Variants in MYO1D observed in about 807,000 individuals in gnomAD.
MYO1D encodes the protein myosin ID, also known as unconventional myosin-Id.
A neutral mutation model predicts 122.0 loss-of-function variants in MYO1D; 83 were observed. That is an observed-to-expected ratio of 0.68 (90% confidence interval 0.57 to 0.82). MYO1D has a LOEUF of 0.82. Among genes scored for constraint, MYO1D ranks in the 40% least tolerant of loss-of-function variants. The probability of loss-of-function intolerance (pLI) is 0.00; values close to 1 mark genes in which losing one functional copy is unlikely to be tolerated. For synonymous variants in MYO1D, 464 were observed against 446.9 expected (o/e 1.04, Z -0.48); for missense variants, 1,157 against 1,269.5 (o/e 0.91, Z 1.35).
intron 21 of MYO1D, among the ~76,000 whole-genome samples, chr17:32,559,074 A>G (rs2150888879): frequency 6.6e-6 from 1 of 152,346 alleles, no homozygotes; most frequent in Non-Finnish European, 1.5e-5. Flanking sequence ...TAAGTATCTC[A>G]GAACGTGTGC....
chr17:32,773,860 T>C (rs1265210596), intron 4 of MYO1D, among the ~76,000 whole-genome samples: 2 of 152,174 alleles, frequency 1.3e-5, no homozygotes, highest in East Asian at 1.9e-4. Context: ...GGCATTCTTT[T>C]ACACATCGGT....
At chr17:32,798,167 A>G (rs931157033) in intron 1 of MYO1D, among the ~76,000 whole-genome samples, 2 of 152,200 alleles carry the variant, frequency 1.3e-5, no homozygotes, top group Non-Finnish European at 2.9e-5. Flanking sequence ...TTGTTTGACT[A>G]TTGTTTTTGT....
intron 16 of MYO1D, among the ~76,000 whole-genome samples, chr17:32,701,044 A>G (rs2089242577): frequency 6.6e-6 from 1 of 152,092 alleles, no homozygotes. Context: ...TAAAGCTGAT[A>G]AAGAAAAAAG....
intron 1 of MYO1D, among the ~76,000 whole-genome samples, chr17:32,806,945 A>G (rs1242410476): frequency 6.6e-6 from 1 of 152,230 alleles, no homozygotes. Context: ...CCTTAACTAA[A>G]TAACATAGGA....
At chr17:32,703,857 GC>G (rs1435127265) in intron 16 of MYO1D, among the ~76,000 whole-genome samples, 1 of 152,104 alleles carries the variant, frequency 6.6e-6, no homozygotes, top group Non-Finnish European at 1.5e-5. Context: ...CCCCAGCCAT[GC>G]AACAAATAAG....
intron 21 of MYO1D, among the ~76,000 whole-genome samples, chr17:32,521,487 T>TTG (rs1368065921): frequency 6.6e-6 from 1 of 152,212 alleles, no homozygotes; most frequent in African/African-American, 2.4e-5. Flanking sequence ...CTCATACAAA[T>TTG]TGCTCCTGTG....
intron 16 of MYO1D, among the ~76,000 whole-genome samples, chr17:32,690,598 G>A (rs115306737): frequency 2.3e-4 from 35 of 152,264 alleles, no homozygotes; most frequent in African/African-American, 8.2e-4. Context: ...ACTGGATCAC[G>A]GAGCAGATCC....
At chr17:32,713,441 C>T (rs780014866) in intron 15 of MYO1D, among the ~76,000 whole-genome samples, 95 of 152,286 alleles carry the variant, frequency 6.2e-4, no homozygotes, top group African/African-American at 1.3e-3. Flanking sequence ...GATACAAGTA[C>T]ATTTTAATGT....
intron 6 of MYO1D, among the ~76,000 whole-genome samples, chr17:32,769,128 T>A (rs1799847316): frequency 6.6e-6 from 1 of 152,212 alleles, no homozygotes; most frequent in Non-Finnish European, 1.5e-5. Context: ...GCCATTCTGA[T>A]CAATACAACA....
In MYO1D at chr17:32,578,572, TG is replaced by T. The variant is rs202045058; in HGVS notation, c.2864+26514del. On this transcript the variant is annotated intron_variant, in intron 21 of 21. Coordinates refer to ENST00000318217, the MANE Select transcript of MYO1D (RefSeq NM_015194.3). Reference sequence around the variant, plus strand: ...CTTTTGAGTTTGAAATAACAGAATTTGTAATAGAAAGAGATAATACTCTAAA... The same window carrying T: ...CTTTTGAGTTTGAAATAACAGAATTTTAATAGAAAGAGATAATACTCTAAA... Among the ~76,000 whole-genome samples, 299 of 152,378 alleles carry T rather than the reference TG, an allele frequency of 2.0e-3. 1 individual carries two copies. The highest frequency in any genetic ancestry group is 6.8e-3 in the African/African-American group (283 of 41,596).
chr17:32,598,499 A>G (rs2087525019), intron 21 of MYO1D, among the ~76,000 whole-genome samples: 1 of 152,212 alleles, frequency 6.6e-6, no homozygotes, highest in Admixed American at 6.5e-5. Flanking sequence ...TGCTGGTATC[A>G]GGTGTTTCTG....
chr17:32,709,727 T>C (rs1260099516), intron 16 of MYO1D, among the ~76,000 whole-genome samples: 1 of 152,154 alleles, frequency 6.6e-6, no homozygotes, highest in Non-Finnish European at 1.5e-5. Flanking sequence ...TATTTATACA[T>C]GATATAATTA....
intron 1 of MYO1D, among the ~76,000 whole-genome samples, chr17:32,871,044 T>C (rs925071350): frequency 6.6e-6 from 1 of 152,162 alleles, no homozygotes; most frequent in Non-Finnish European, 1.5e-5. Flanking sequence ...TTGGGAAAGA[T>C]TTCTCACATC....
At chr17:32,804,705 AAC>A (rs1250725920) in intron 1 of MYO1D, among the ~76,000 whole-genome samples, 3 of 152,130 alleles carry the variant, frequency 2.0e-5, no homozygotes, top group African/African-American at 7.2e-5. Flanking sequence ...TAGTTCCTAG[AAC>A]AGTGTTATTT....
In MYO1D at chr17:32,494,512, C is replaced by T. The variant is rs1032727141; in HGVS notation, c.*247G>A. On this transcript the variant is annotated 3_prime_UTR_variant, in exon 22 of 22. Transcript: ENST00000318217. ...GCCTCTGGGGTGAGATTGGTCTGGA[C>T]GTCAGCCCAGGGGTCTGGGCGGGGC... 46 of 525,338 alleles carry T rather than the reference C, an allele frequency of 8.8e-5. No individual in the cohort carries two copies. Among genetic ancestry groups the T allele is most frequent in the African/African-American group, 6.0e-4 (31 of 51,898 alleles). 32.5% of individuals were successfully genotyped at this position (525,338 alleles called of 1,614,324 possible).
At chr17:32,555,577 TAA>T (rs548846462) in intron 21 of MYO1D, among the ~76,000 whole-genome samples, 237 of 152,290 alleles carry the variant, frequency 1.6e-3, no homozygotes, top group Non-Finnish European at 2.5e-3. Flanking sequence ...GTCTGTTGCA[TAA>T]AACCAAAATC....
intron 17 of MYO1D, among the ~76,000 whole-genome samples, chr17:32,658,080 G>A: frequency 6.6e-6 from 1 of 151,600 alleles, no homozygotes; most frequent in South Asian, 2.1e-4. Context: ...GAGAACTGAA[G>A]GTTGAGGTAC....
intron 21 of MYO1D, among the ~76,000 whole-genome samples, chr17:32,503,361 G>A (rs1453199585): frequency 6.6e-6 from 1 of 152,206 alleles, no homozygotes; most frequent in African/African-American, 2.4e-5. Flanking sequence ...GTCATTCGCC[G>A]ACCTGCCCTG....
In MYO1D at chr17:32,780,584, A is replaced by C. The variant is rs2090225161; in HGVS notation, c.296T>G (p.Val99Gly). The C allele has an allele frequency of 1.2e-6, 2 of 1,613,900 alleles. No individual in the cohort carries two copies. The highest frequency in any genetic ancestry group is 1.7e-6 in the Non-Finnish European group (2 of 1,179,982). Residue 99 changes from valine (V) to glycine (G), a missense_variant, in exon 2 of 22, where the codon GTG becomes GGG. By Grantham distance (109) the Val-to-Gly change is moderately radical. Coordinates refer to ENST00000318217, the MANE Select transcript of MYO1D (RefSeq NM_015194.3). ...MKRRSKDTCI[V>G]ISGESGAGKT... ...GGATCCCCTCCAATTACCTGATATCACAATACAAGTGTCTTTTGATCGCCT... is the reference window on the plus strand; with the variant it reads ...GGATCCCCTCCAATTACCTGATATCCCAATACAAGTGTCTTTTGATCGCCT...
Sources: gnomAD v4.1 joint callset for allele counts (sites outside exome capture counted in the v4.1 genomes callset) on GRCh38, gnomAD v4.1.1 for gene constraint, MANE v1.5 for transcripts, NCBI Gene and HGNC (gene_info 2026-07-23, HGNC 2026-07-21) for gene names.